Variants in PRKD1 observed in about 807,000 individuals in gnomAD.
PRKD1 encodes the protein serine/threonine-protein kinase D1.
A neutral mutation model predicts 95.9 loss-of-function variants in PRKD1; 63 were observed. That is an observed-to-expected ratio of 0.66 (90% CI 0.54 to 0.81). PRKD1 has a LOEUF of 0.81. Ranked by LOEUF, PRKD1 falls within the 30% of genes least tolerant of loss-of-function variation. PRKD1 has a pLI of 0.00. For synonymous variants in PRKD1, 425 were observed against 423.1 expected, an observed-to-expected ratio of 1.00 and a Z score of -0.05; for missense variants, 1,048 against 1,165.3, an observed-to-expected ratio of 0.90 and a Z score of 1.47.
At chr14:29,633,321 T>C (rs1880153038) in intron 8 of PRKD1, among the ~76,000 whole-genome samples, 1 of 152,230 alleles carries the variant, frequency 6.6e-6, no homozygotes, top group Admixed American at 6.5e-5. Flanking sequence ...AGATGCAATG[T>C]TTATTATGCA....
At chr14:29,864,239 A>G (rs990796419) in intron 1 of PRKD1, among the ~76,000 whole-genome samples, 1 of 152,116 alleles carries the variant, frequency 6.6e-6, no homozygotes, top group African/African-American at 2.4e-5. Context: ...CAACTATATA[A>G]CTGTACAGAA....
At chr14:29,737,737 G>C (rs1251222543) in intron 1 of PRKD1, among the ~76,000 whole-genome samples, 1 of 152,160 alleles carries the variant, frequency 6.6e-6, no homozygotes, top group South Asian at 2.1e-4. Context: ...CTAGCATTCA[G>C]CTGTAAGGGA....
intron 1 of PRKD1, among the ~76,000 whole-genome samples, chr14:29,772,829 C>T (rs1594504055): frequency 6.6e-6 from 1 of 152,176 alleles, no homozygotes; most frequent in African/African-American, 2.4e-5. Flanking sequence ...ATATGTCTAA[C>T]CTCACAATTT....
At chr14:29,743,461 A>C (rs1398986957) in intron 1 of PRKD1, among the ~76,000 whole-genome samples, 1 of 152,178 alleles carries the variant, frequency 6.6e-6, no homozygotes, top group African/African-American at 2.4e-5. Flanking sequence ...CAGAGAACCA[A>C]GCAGAGAACC....
chr14:29,752,418 C>A (rs1887518602), intron 1 of PRKD1, among the ~76,000 whole-genome samples: 1 of 151,902 alleles, frequency 6.6e-6, no homozygotes, highest in Non-Finnish European at 1.5e-5. Flanking sequence ...AATGACATAA[C>A]CAGTGGAAGT....
chr14:29,892,659 A>T (rs1893980241), intron 1 of PRKD1, among the ~76,000 whole-genome samples: 1 of 152,224 alleles, frequency 6.6e-6, no homozygotes, highest in African/African-American at 2.4e-5. Flanking sequence ...CACTGGCTTC[A>T]GTGTGCCAAA....
chr14:29,667,061 C>T (rs1419198017), intron 2 of PRKD1, among the ~76,000 whole-genome samples: 9 of 152,252 alleles, frequency 5.9e-5, no homozygotes, highest in East Asian at 1.9e-4. Context: ...GTATCGACAG[C>T]GGAAAGATGA....
intron 1 of PRKD1, among the ~76,000 whole-genome samples, chr14:29,734,287 G>A (rs1004751999): frequency 3.3e-5 from 5 of 151,842 alleles, no homozygotes; most frequent in Admixed American, 6.6e-5. Flanking sequence ...TGATCCACCC[G>A]CCTTGGCCTC....
At chr14:29,661,785 C>T (rs2139206120) in intron 4 of PRKD1, among the ~76,000 whole-genome samples, 2 of 152,276 alleles carry the variant, frequency 1.3e-5, no homozygotes, top group East Asian at 3.9e-4. Flanking sequence ...GCTTATGACT[C>T]CCATCCCAGT....
At chr14:29,784,990 T>C (rs909802704) in intron 1 of PRKD1, among the ~76,000 whole-genome samples, 1 of 152,206 alleles carries the variant, frequency 6.6e-6, no homozygotes. Context: ...CACCTTCTCA[T>C]GTGAAGAGCC....
intron 1 of PRKD1, among the ~76,000 whole-genome samples, chr14:29,844,970 A>C (rs1892024206): frequency 6.6e-6 from 1 of 152,324 alleles, no homozygotes; most frequent in Admixed American, 6.5e-5. Flanking sequence ...TCTGGCTACA[A>C]CATAACCTCC....
At chr14:29,770,787 T>C (rs1015990325) in intron 1 of PRKD1, among the ~76,000 whole-genome samples, 2 of 151,950 alleles carry the variant, frequency 1.3e-5, no homozygotes, top group South Asian at 2.1e-4. Flanking sequence ...CACAACACAG[T>C]GAGACCTTGT....
intron 1 of PRKD1, among the ~76,000 whole-genome samples, chr14:29,860,495 AAC>A (rs142461800): frequency 0.037 from 5,653 of 152,250 alleles, 381 homozygotes; most frequent in African/African-American, 0.13. Context: ...CAACCCAAGA[AAC>A]ACTACATTGA....
At chr14:29,697,579 T>A (rs1055342400) in intron 2 of PRKD1, among the ~76,000 whole-genome samples, 1 of 152,196 alleles carries the variant, frequency 6.6e-6, no homozygotes, top group African/African-American at 2.4e-5. Flanking sequence ...ATTGCAAACA[T>A]CTATTTTATT....
intron 2 of PRKD1, among the ~76,000 whole-genome samples, chr14:29,682,099 G>A (rs565448840): frequency 1.8e-4 from 28 of 152,254 alleles, no homozygotes; most frequent in African/African-American, 5.5e-4. Flanking sequence ...ATTTGATATC[G>A]ACTGAATCAT....
intron 16 of PRKD1, among the ~76,000 whole-genome samples, chr14:29,585,488 T>A (rs1207415797): frequency 1.3e-5 from 2 of 152,204 alleles, no homozygotes; most frequent in African/African-American, 4.8e-5. Flanking sequence ...TTGGAAATCA[T>A]AAATTGTTTA....
At chr14:29,666,022 G>T in intron 3 of PRKD1, 55 bp downstream of exon 3, 4 of 1,494,504 alleles carry the variant, frequency 2.7e-6, no homozygotes, top group East Asian at 2.3e-5. Context: ...ATTCTGCTGC[G>T]ATAAACACAG....
intron 1 of PRKD1, among the ~76,000 whole-genome samples, chr14:29,866,863 A>C (rs953636078): frequency 6.6e-6 from 1 of 152,166 alleles, no homozygotes; most frequent in African/African-American, 2.4e-5. Context: ...TTTTATAGAC[A>C]AGTCTGGAGC....
chr14:29,800,087 A>G (rs1333025012), intron 1 of PRKD1, among the ~76,000 whole-genome samples: 1 of 152,210 alleles, frequency 6.6e-6, no homozygotes, highest in Non-Finnish European at 1.5e-5. Flanking sequence ...GCTATTGACC[A>G]TAAGTAGATT....
Sources: allele counts gnomAD v4.1 joint callset (sites outside exome capture counted in the v4.1 genomes callset), GRCh38; gene constraint gnomAD v4.1.1; transcripts MANE v1.5; gene names NCBI Gene and HGNC (gene_info 2026-07-23, HGNC 2026-07-21).